PCDHA7: variants seen among roughly 807,000 people sequenced by gnomAD.
PCDHA7 encodes protocadherin alpha 7.
PCDHA7 carries 37 observed loss-of-function variants against 57.2 expected under a neutral mutation model. That is an observed-to-expected ratio of 0.65 (90% CI 0.50 to 0.85). The LOEUF (loss-of-function observed/expected upper bound fraction) is 0.85, where lower values mean the gene tolerates loss of function less well. PCDHA7 is among the 40% of genes least tolerant of loss of function. The pLI, the probability that PCDHA7 is intolerant of heterozygous loss-of-function variation, is 0.00. For synonymous variants in PCDHA7, 553 were observed against 558.8 expected (o/e 0.99, Z 0.15); for missense variants, 1,188 against 1,241.8 (o/e 0.96, Z 0.65).
In PCDHA7 at chr5:140,859,591, T is replaced by C. The variant is rs540429741; in HGVS notation, c.2355+22853T>C. On this transcript the variant is annotated intron_variant, in intron 1 of 3. Transcript: ENST00000525929. Reference sequence around the variant, plus strand: ...AATTTGTCATCTTGCCTATGGCTCTTAGCAATTACTTTTTTCTTTCCTTTC... The same window carrying C: ...AATTTGTCATCTTGCCTATGGCTCTCAGCAATTACTTTTTTCTTTCCTTTC... 5 of 165,482 alleles carry C rather than the reference T, an allele frequency of 3.0e-5. No homozygotes were observed. The East Asian group carries it at 9.4e-4, about 31-fold the overall frequency. 10.3% of individuals were successfully genotyped at this position (165,482 alleles called of 1,614,324 possible). A position where few individuals can be genotyped will look rare whatever the true frequency, so the allele number is the denominator to read the frequency against.
At chr5:140,837,516 C>CT (rs1554136502) in intron 1 of PCDHA7, among the ~76,000 whole-genome samples, 2 of 151,568 alleles carry the variant, frequency 1.3e-5, no homozygotes, top group African/African-American at 4.9e-5. Flanking sequence ...AAGCAGTTTA[C>CT]TTTTTTTGTA....
At chr5:140,922,210 A>AAC (rs2080722350) in intron 1 of PCDHA7, among the ~76,000 whole-genome samples, 2 of 152,232 alleles carry the variant, frequency 1.3e-5, no homozygotes, top group Admixed American at 1.3e-4. Context: ...GAAACTTTGT[A>AAC]AAACATTTGA....
In PCDHA7 at chr5:140,858,410, T is replaced by C; in HGVS notation, c.2355+21672T>C. ...GGTAGATGTGGACGGGGAAGATCAG[T>C]CTATTGGAGGGGACCACTCTAGGAA... On this transcript the variant is annotated intron_variant, in intron 1 of 3. Transcript: ENST00000525929. 7.7e-6 allele frequency: 12 copies of C among 1,565,560 alleles called. 2 individuals are homozygous for C. The highest frequency in any genetic ancestry group is 1.0e-5 in the Non-Finnish European group (12 of 1,147,708).
chr5:140,843,258 G>A, intron 1 of PCDHA7: 1 of 1,596,068 alleles, frequency 6.3e-7, no homozygotes, highest in Middle Eastern at 1.7e-4. Context: ...CCGCGCCACC[G>A]TCTGCTGGTC....
chr5:140,893,135 T>C (rs1405005785), intron 1 of PCDHA7, among the ~76,000 whole-genome samples: 1 of 152,252 alleles, frequency 6.6e-6, no homozygotes, highest in Non-Finnish European at 1.5e-5. Flanking sequence ...ATTTTCTTTA[T>C]CCACTCATCT....
At chr5:140,962,126 C>A (rs1429316991) in intron 1 of PCDHA7, among the ~76,000 whole-genome samples, 1 of 152,094 alleles carries the variant, frequency 6.6e-6, no homozygotes. Flanking sequence ...ACCTTGGCCT[C>A]GGCCTCCCAA....
At chr5:140,973,959 G>A (rs782474164) in intron 1 of PCDHA7, among the ~76,000 whole-genome samples, 2 of 152,198 alleles carry the variant, frequency 1.3e-5, no homozygotes, top group Admixed American at 6.5e-5. Flanking sequence ...TTTTACAGGT[G>A]TCTTTAAATG....
At chr5:140,883,511 C>A in intron 1 of PCDHA7, 2 of 1,614,186 alleles carry the variant, frequency 1.2e-6, no homozygotes, top group Middle Eastern at 1.7e-4. Context: ...CGCCCTGGAC[C>A]GCGAGAGCGT....
rs201090787 is a variant in PCDHA7, at chr5:140,876,840, G to A, written c.2355+40102G>A. On this transcript the variant is annotated intron_variant, in intron 1 of 3. Coordinates refer to ENST00000525929, the MANE Select transcript of PCDHA7 (RefSeq NM_018910.3). Reference sequence around the variant, plus strand: ...TGAACGACAATGCGCCTGCGTTCGCGCAGCCCGAGTACACAGTGTTCGTGA... The same window carrying A: ...TGAACGACAATGCGCCTGCGTTCGCACAGCCCGAGTACACAGTGTTCGTGA... 2.5e-6 allele frequency: 4 copies of A among 1,614,166 alleles called. No homozygotes were observed. In the East Asian group the frequency reaches 6.7e-5, roughly 27 times the overall value.
At position 140,877,744 on chromosome 5, in the gene PCDHA7, G is replaced by T. The variant is rs200651425; in HGVS notation, c.2355+41006G>T. ...TTACTCGCAGCAGAGGAGGCAGAGG[G>T]TGTGCTCTGCAGAGAGCCCGCCCAA... On this transcript the variant is annotated intron_variant, in intron 1 of 3. Coordinates refer to ENST00000525929, the MANE Select transcript of PCDHA7 (RefSeq NM_018910.3). The T allele has an allele frequency of 3.3e-3, 5,393 of 1,614,198 alleles. 26 individuals carry two copies. Among genetic ancestry groups the T allele is most frequent in the South Asian group, 0.011 (995 of 91,084 alleles).
chr5:140,934,236 T>C (rs532427064), intron 1 of PCDHA7, among the ~76,000 whole-genome samples: 1 of 152,290 alleles, frequency 6.6e-6, no homozygotes, highest in South Asian at 2.1e-4. Context: ...TTGTACTTAA[T>C]TGTGGAGATT....
In PCDHA7 at chr5:140,858,601, A is replaced by G. The variant is rs7341057; in HGVS notation, c.2355+21863A>G. On this transcript the variant is annotated intron_variant, in intron 1 of 3. Transcript: ENST00000525929. ...TAATATAATTTATTCCAGGAGTTTT[A>G]AAATTTTTTTATCCTACCCAGTGTG... 747 of 1,295,358 alleles carry G rather than the reference A, an allele frequency of 5.8e-4. 36 individuals carry two copies. The African/African-American group carries it at 0.01, about 18-fold the overall frequency. 80.2% of individuals were successfully genotyped at this position (1,295,358 alleles called of 1,614,324 possible).
In PCDHA7 at chr5:140,850,468, C is replaced by G. The variant is rs2150485398; in HGVS notation, c.2355+13730C>G. 1.3e-5 allele frequency: 20 copies of G among 1,597,798 alleles called. 4 individuals carry two copies. The highest frequency in any genetic ancestry group is 1.6e-5 in the Non-Finnish European group (19 of 1,167,656). On this transcript the variant is annotated intron_variant, in intron 1 of 3. Transcript: ENST00000525929. Reference sequence around the variant, plus strand: ...CTGGTGAAAGACCACGGGGAGCCAGCGCTGACGGCCACGGCCACTGTGCTG... The same window carrying G: ...CTGGTGAAAGACCACGGGGAGCCAGGGCTGACGGCCACGGCCACTGTGCTG...
chr5:140,941,191 T>TTTTTTTCTTTC (rs1554213809), intron 1 of PCDHA7, among the ~76,000 whole-genome samples: 6 of 93,206 alleles, frequency 6.4e-5, no homozygotes, highest in Admixed American at 2.5e-4. Context: ...GCTTCTTTTT[T>TTTTTTTCTTTC]TTTCTTTCTT....
At position 140,926,851 on chromosome 5, in the gene PCDHA7, T is replaced by C. The variant is rs201136210; in HGVS notation, c.2356-52098T>C. 6.6e-6 allele frequency: 10 copies of C among 1,517,220 alleles called. No individual in the cohort carries two copies. In the Admixed American group the frequency reaches 6.6e-5, roughly 10 times the overall value. The allele number at this position is 1,517,220 out of a possible 1,614,324, so 94.0% of individuals were successfully genotyped here. ...TCCGGAGCATGGTCCTGGGTCACCGTTGGTGTAGCGTGTTGGTGGAACGTG... is the reference window on the plus strand; with the variant it reads ...TCCGGAGCATGGTCCTGGGTCACCGCTGGTGTAGCGTGTTGGTGGAACGTG... On this transcript the variant is annotated intron_variant, in intron 1 of 3. Coordinates refer to ENST00000525929, the MANE Select transcript of PCDHA7 (RefSeq NM_018910.3).
At chr5:140,947,140 A>G (rs2094093806) in intron 1 of PCDHA7, among the ~76,000 whole-genome samples, 1 of 151,464 alleles carries the variant, frequency 6.6e-6, no homozygotes, top group Admixed American at 6.6e-5. Context: ...AGTAAAATGT[A>G]TAGTTACTTC....
chr5:140,945,813 C>T (rs10477097), intron 1 of PCDHA7, among the ~76,000 whole-genome samples: 2 of 152,084 alleles, frequency 1.3e-5, no homozygotes, highest in East Asian at 3.8e-4. Flanking sequence ...TTATCTCACA[C>T]TGTATACAAA....
chr5:140,866,359 A>ATT (rs1376841789), intron 1 of PCDHA7: 14 of 152,148 alleles, frequency 9.2e-5, no homozygotes, highest in African/African-American at 2.9e-4. Context: ...TGTTTACAAT[A>ATT]TTGCATACTT....
intron 1 of PCDHA7, among the ~76,000 whole-genome samples, chr5:140,945,224 T>C (rs1563213002): frequency 6.6e-6 from 1 of 152,016 alleles, no homozygotes; most frequent in Non-Finnish European, 1.5e-5. Context: ...ATAAAAATAC[T>C]TAGGAATAAA....
Sources: gnomAD v4.1 joint callset for allele counts (sites outside exome capture counted in the v4.1 genomes callset) on GRCh38, gnomAD v4.1.1 for gene constraint, MANE v1.5 for transcripts, NCBI Gene and HGNC (gene_info 2026-07-23, HGNC 2026-07-21) for gene names.